Variants in DNAH1 observed in about 807,000 individuals in gnomAD.
DNAH1 encodes dynein axonemal heavy chain 1.
A neutral mutation model predicts 484.3 loss-of-function variants in DNAH1; 327 were observed. The observed-to-expected ratio is 0.68, with a 90% CI of 0.62 to 0.74. The LOEUF (loss-of-function observed/expected upper bound fraction) is 0.74. Among genes scored for constraint, DNAH1 ranks in the 30% least tolerant of loss-of-function variants. The pLI is 0.00. For synonymous variants in DNAH1, 2,192 were observed against 2,191.9 expected (o/e 1.00, Z 0.00); for missense variants, 5,052 against 5,546.8 (o/e 0.91, Z 2.83).
chr3:52,320,388 G>T (rs1701100652), intron 1 of DNAH1, among the ~76,000 whole-genome samples: 1 of 152,262 alleles, frequency 6.6e-6, no homozygotes, highest in African/African-American at 2.4e-5. Context: ...GGCCCGACTG[G>T]CTGGAGGCAG....
At chr3:52,359,763 C>T (rs530191726) in intron 26 of DNAH1, among the ~76,000 whole-genome samples, 153 bp from the exon 27 acceptor site, 6 of 152,224 alleles carry the variant, frequency 3.9e-5, no homozygotes, top group African/African-American at 9.6e-5. Context: ...TTCCTTCCTT[C>T]CCCTGCCCGG....
chr3:52,352,040 GA>G lies in DNAH1; in HGVS notation c.2810del (p.Lys937SerfsTer23), dbSNP rs763616789. On this transcript the variant is annotated frameshift_variant, in exon 17 of 78. Coordinates refer to ENST00000420323, the MANE Select transcript of DNAH1 (RefSeq NM_015512.5). LOFTEE classifies it high-confidence loss of function. ...AGCAGCAGCATGTGGAGGATGAGGAGAAGTTCCGCAAAATCCAGATCATGGA... is the reference window on the plus strand; with the variant it reads ...AGCAGCAGCATGTGGAGGATGAGGAGAGTTCCGCAAAATCCAGATCATGGA... ...VQQQHVEDEEKFRKIQIMDQN... is the reference protein window; with the variant it reads ...VQQQHVEDEEXFRKIQIMDQN... 1 of 1,594,070 alleles carries G rather than the reference GA, an allele frequency of 6.3e-7. No individual in the cohort carries two copies. Among genetic ancestry groups the G allele is most frequent in the Non-Finnish European group, 8.5e-7 (1 of 1,170,552 alleles).
At position 52,380,099 on chromosome 3, in the gene DNAH1, T is replaced by C. The variant is rs368852045; in HGVS notation, c.7572T>C (p.Asp2524=). 202 of 1,603,736 alleles carry C rather than the reference T, an allele frequency of 1.3e-4. 1 individual carries two copies. In the African/African-American group the frequency reaches 2.2e-3, roughly 17 times the overall value. ...GGGACTTCATGTCACCAGGCTCCGA[T>C]GTCAAGTCCTACGAGCTCATCACCA... ...LYGDFMSPGS[D]VKSYELITSE... The change falls in exon 48 of 78, where the codon GAT becomes GAC. Residue 2524 remains aspartate, a synonymous_variant. Coordinates refer to ENST00000420323, the MANE Select transcript of DNAH1 (RefSeq NM_015512.5).
chr3:52,370,302 T>C, intron 39 of DNAH1, 73 bp downstream of exon 39: 1 of 1,569,696 alleles, frequency 6.4e-7, no homozygotes, highest in Non-Finnish European at 8.7e-7. Context: ...CTCTGGGGCC[T>C]GAAAGAGAGA....
At chr3:52,326,069 T>C (rs1701325840) in intron 3 of DNAH1, 71 bp from the exon 4 acceptor site, 6 of 1,365,330 alleles carry the variant, frequency 4.4e-6, no homozygotes, top group Non-Finnish European at 5.8e-6. Flanking sequence ...GTAATTTATT[T>C]TATGGGGTGG....
intron 14 of DNAH1, 94 bp from the exon 15 acceptor site, chr3:52,349,895 T>G: frequency 6.7e-7 from 1 of 1,489,256 alleles, no homozygotes. Context: ...GACAGTTACC[T>G]GTCGGGAGAT....
intron 8 of DNAH1, among the ~76,000 whole-genome samples, chr3:52,344,099 G>C (rs892187011): frequency 6.6e-6 from 1 of 152,210 alleles, no homozygotes; most frequent in African/African-American, 2.4e-5. Context: ...TCAGTGGCAG[G>C]CATCTTCCAC....
chr3:52,329,747 C>T (rs1279219180), intron 6 of DNAH1, among the ~76,000 whole-genome samples: 1 of 151,868 alleles, frequency 6.6e-6, no homozygotes, highest in Non-Finnish European at 1.5e-5. Flanking sequence ...ATTGCTTGAA[C>T]CTGGAAAGCG....
At chr3:52,350,132 G>C in intron 15 of DNAH1, 24 bp downstream of exon 15, 1 of 1,604,544 alleles carries the variant, frequency 6.2e-7, no homozygotes, top group South Asian at 1.1e-5. Context: ...ACGGGCACTG[G>C]GGCCAGGGAG....
In DNAH1 at chr3:52,358,430, G is replaced by C. The variant is rs982535861; in HGVS notation, c.4087-128G>C. ...AGGCCCAGCCAAGATAGACTCTCGGGGGGACGGGAAGGCAGGGCTTTCTTC... is the reference window on the plus strand; with the variant it reads ...AGGCCCAGCCAAGATAGACTCTCGGCGGGACGGGAAGGCAGGGCTTTCTTC... On this transcript the variant is annotated intron_variant, in intron 24 of 77. Coordinates refer to ENST00000420323, the MANE Select transcript of DNAH1 (RefSeq NM_015512.5). The surrounding 1 kb of genome is among the most constrained non-coding windows in gnomAD (Gnocchi z 4.2). 3 of 1,040,052 alleles carry C rather than the reference G, an allele frequency of 2.9e-6. No individual in the cohort carries two copies. Among genetic ancestry groups the C allele is most frequent in the South Asian group, 3.3e-5 (2 of 60,004 alleles). 64.4% of individuals were successfully genotyped at this position (1,040,052 alleles called of 1,614,324 possible). A position where few individuals can be genotyped will look rare whatever the true frequency, so the allele number is the denominator to read the frequency against.
intron 43 of DNAH1, among the ~76,000 whole-genome samples, chr3:52,372,642 T>A (rs938580339): frequency 1.1e-4 from 17 of 152,208 alleles, no homozygotes; most frequent in South Asian, 8.3e-4. Flanking sequence ...CCTGGGTCTG[T>A]CTGTGAGAAG....
At chr3:52,369,688 C>T (rs1703239466) in intron 37 of DNAH1, 137 bp from the exon 38 acceptor site, 4 of 922,240 alleles carry the variant, frequency 4.3e-6, no homozygotes, top group Admixed American at 2.8e-5. Context: ...CTGTCCCACC[C>T]AGCACTGCCC....
chr3:52,366,500 AC>A lies in DNAH1; in HGVS notation c.5563del (p.Arg1855AspfsTer25). 6.2e-7 allele frequency: 1 copy of A among 1,603,392 alleles called. No individual in the cohort carries two copies. The highest frequency in any genetic ancestry group is 8.5e-7 in the Non-Finnish European group (1 of 1,175,358). ...TCCAGCTCTACGAGACCACGGTGGT[AC>A]GACACGGCCTCATGCTCGTCGGGCC... ...CIQLYETTVV[R>X]HGLMLVGPTG... On this transcript the variant is annotated frameshift_variant, in exon 35 of 78. Coordinates refer to ENST00000420323, the MANE Select transcript of DNAH1 (RefSeq NM_015512.5). LOFTEE classifies it high-confidence loss of function.
At chr3:52,312,273 G>A (rs535610804), upstream of DNAH1, among the ~76,000 whole-genome samples, 43 of 152,236 alleles carry the variant, frequency 2.8e-4, 1 homozygote, top group African/African-American at 9.6e-4. Flanking sequence ...TCTGCTTGGA[G>A]GGAGGGCTGA....
intron 47 of DNAH1, among the ~76,000 whole-genome samples, 186 bp downstream of exon 47, chr3:52,378,966 C>T (rs1033805317): frequency 2.0e-5 from 3 of 152,330 alleles, no homozygotes; most frequent in East Asian, 1.9e-4. Context: ...TGAACCCACA[C>T]CTGGAATGGT....
rs1288979562 is a variant in DNAH1 at position 52,392,997 on chromosome 3, C to T, written c.10446C>T (p.Leu3482=). The part of the protein sequence containing the change: ...YSLEWFLNIF[L]SGIANSERAD... Reference sequence around the variant, plus strand: ...TTGAGTGGTTTCTCAACATCTTCCTCTCGGGCATCGCCAACTCAGAGAGAG... The same window carrying T: ...TTGAGTGGTTTCTCAACATCTTCCTTTCGGGCATCGCCAACTCAGAGAGAG... Residue 3482 remains leucine, a synonymous_variant, in exon 65 of 78, where the codon CTC becomes CTT. Coordinates refer to ENST00000420323, the MANE Select transcript of DNAH1 (RefSeq NM_015512.5). The T allele has an allele frequency of 1.2e-6, 2 of 1,613,734 alleles. No homozygotes were observed. The highest frequency in any genetic ancestry group is 1.7e-5 in the Admixed American group (1 of 60,012).
intron 58 of DNAH1, 37 bp from the exon 59 acceptor site, chr3:52,388,769 G>C (rs781713242): frequency 1.2e-6 from 2 of 1,610,704 alleles, no homozygotes; most frequent in Non-Finnish European, 1.7e-6. Flanking sequence ...CCCTAGCCCA[G>C]CCTCCCAGAG....
chr3:52,358,603 G>T lies in DNAH1; in HGVS notation c.4132G>T (p.Glu1378Ter). The T allele has an allele frequency of 1.2e-6, 2 of 1,613,084 alleles. No homozygotes were observed. The highest frequency in any genetic ancestry group is 1.7e-6 in the Non-Finnish European group (2 of 1,179,688). Residue 1378 changes from glutamate (E) to a stop codon, truncating the protein, a stop_gained, in exon 25 of 78, where the codon GAG (glutamate) becomes TAG (stop). Transcript: ENST00000420323. LOFTEE classifies it high-confidence loss of function. This position sits in a 1 kb window ranked among gnomAD's most constrained non-coding sequence, Gnocchi z 4.2. ...DLEITHMYSA[E>*]GEEVQLCFSI... Reference sequence around the variant, plus strand: ...GGAGATCACGCACATGTACTCAGCCGAGGGGGAGGAGGTACAGTTGTGCTT... The same window carrying T: ...GGAGATCACGCACATGTACTCAGCCTAGGGGGAGGAGGTACAGTTGTGCTT...
In DNAH1 at chr3:52,353,679, G is replaced by A. The variant is rs974631466; in HGVS notation, c.3480+46G>A. On this transcript the variant is annotated intron_variant, in intron 20 of 77. Transcript: ENST00000420323. The surrounding 1 kb of genome is among the most constrained non-coding windows in gnomAD (Gnocchi z 5.0). ...CCAGCCACTCCAGCCAGGCCCTGCC[G>A]GACAGCCTGACCTCCTGCTCTGGCA... 5.1e-5 allele frequency: 79 copies of A among 1,552,470 alleles called. No individual in the cohort carries two copies. Among genetic ancestry groups the A allele is most frequent in the African/African-American group, 5.0e-4 (37 of 73,300 alleles).
Sources: gnomAD v4.1 joint callset for allele counts (sites outside exome capture counted in the v4.1 genomes callset) on GRCh38, gnomAD v4.1.1 for gene constraint, Gnocchi (gnomAD v3.1) non-coding constraint, MANE v1.5 for transcripts, NCBI Gene and HGNC (gene_info 2026-07-23, HGNC 2026-07-21) for gene names.